The following SFT2D2 variants were observed in gnomAD, a reference collection of about 807,000 sequenced individuals.
The protein encoded by SFT2D2 is SFT2 domain containing 2.
Under a neutral mutation model 27.4 loss-of-function variants are expected in SFT2D2, and 21 were observed. The ratio of observed to expected loss-of-function variants is 0.77; its 90% CI spans 0.54 to 1.10. The LOEUF (loss-of-function observed/expected upper bound fraction) is 1.10, where lower values mean the gene tolerates loss of function less well. Among genes scored for constraint, SFT2D2 ranks in the 50% least tolerant of loss-of-function variants. The pLI, the probability that SFT2D2 is intolerant of heterozygous loss-of-function variation, is 0.00. For synonymous variants in SFT2D2, 72 were observed against 71.7 expected (o/e 1.00, Z -0.02); for missense variants, 187 against 194.2 (o/e 0.96, Z 0.22).
intron 1 of SFT2D2, among the ~76,000 whole-genome samples, chr1:168,226,603 G>T (rs1700461617): frequency 1.3e-5 from 2 of 152,186 alleles, no homozygotes; most frequent in Admixed American, 1.3e-4. Context: ...CGCGCCCCGA[G>T]CTCTGCCTTG....
At chr1:168,226,695 C>T (rs1176619808) in intron 1 of SFT2D2, among the ~76,000 whole-genome samples, 1 of 152,174 alleles carries the variant, frequency 6.6e-6, no homozygotes, top group African/African-American at 2.4e-5. Context: ...GGGTGAGAAA[C>T]TGCCCCCATC....
At chr1:168,226,288 C>T (rs1700457753) in intron 1 of SFT2D2, 146 bp downstream of exon 1, 1 of 660,590 alleles carries the variant, frequency 1.5e-6, no homozygotes, top group Non-Finnish European at 2.4e-6. Flanking sequence ...CAGGGCTCCG[C>T]GAAGAGGTCT....
chr1:168,226,379 G>A (rs867157091), intron 1 of SFT2D2, among the ~76,000 whole-genome samples: 3 of 152,106 alleles, frequency 2.0e-5, no homozygotes, highest in Non-Finnish European at 4.4e-5. Flanking sequence ...AGGGGGCGGC[G>A]CAGGAGGAAA....
At chr1:168,230,133 T>G (rs1284579370) in intron 1 of SFT2D2, among the ~76,000 whole-genome samples, 1 of 152,166 alleles carries the variant, frequency 6.6e-6, no homozygotes, top group Non-Finnish European at 1.5e-5. Flanking sequence ...CATCCTTCTT[T>G]TCAAGCTTCT....
chr1:168,235,064 G>A, intron 3 of SFT2D2, 37 bp from the exon 4 acceptor site: 1 of 1,598,418 alleles, frequency 6.3e-7, no homozygotes, highest in Non-Finnish European at 8.6e-7. Flanking sequence ...GTGCAGTTCT[G>A]TTCTGAACGG....
intron 4 of SFT2D2, among the ~76,000 whole-genome samples, chr1:168,235,876 A>T (rs1211651029): frequency 2.6e-5 from 4 of 152,190 alleles, no homozygotes; most frequent in African/African-American, 4.8e-5. Context: ...CATTTATATA[A>T]TCTCATTTGT....
rs1647802875 is a variant in SFT2D2 at position 168,246,045 on chromosome 1, A to G, written c.*3505A>G. 4.4e-6 allele frequency: 1 copy of G among 229,796 alleles called. No homozygotes were observed. Among genetic ancestry groups the G allele is most frequent in the African/African-American group, 2.4e-5 (1 of 42,038 alleles). 14.2% of individuals were successfully genotyped at this position (229,796 alleles called of 1,614,324 possible). ...GACGCAGTGACGCAATGAAGCATCC[A>G]GCAAAGCTTTTGTTGTTGATTGTTT... On this transcript the variant is annotated 3_prime_UTR_variant, in exon 8 of 8. Coordinates refer to ENST00000271375, the MANE Select transcript of SFT2D2 (RefSeq NM_199344.3).
At chr1:168,230,203 A>G (rs1172729147) in intron 1 of SFT2D2, among the ~76,000 whole-genome samples, 1 of 152,164 alleles carries the variant, frequency 6.6e-6, no homozygotes, top group Admixed American at 6.5e-5. Flanking sequence ...GGGGTAGTCA[A>G]GGCTGACGGA....
At chr1:168,235,771 T>C (rs1647476080) in intron 4 of SFT2D2, among the ~76,000 whole-genome samples, 2 of 152,254 alleles carry the variant, frequency 1.3e-5, no homozygotes, top group South Asian at 4.1e-4. Context: ...TTTTCTTCCC[T>C]GTGGTTGTCA....
rs1469811272 is a variant in SFT2D2, at chr1:168,245,418, A to G, written c.*2878A>G. 6.6e-6 allele frequency: 1 copy of G among 152,200 alleles called. No homozygotes were observed. The highest frequency in any genetic ancestry group is 6.5e-5 in the Admixed American group (1 of 15,274). The allele number at this position is 152,200 out of a possible 1,614,324, so 9.4% of individuals were successfully genotyped here. A position where few individuals can be genotyped will look rare whatever the true frequency, so the allele number is the denominator to read the frequency against. On this transcript the variant is annotated 3_prime_UTR_variant, in exon 8 of 8. Coordinates refer to ENST00000271375, the MANE Select transcript of SFT2D2 (RefSeq NM_199344.3). ...GACAAACTATGTGGATTATCTGTAC[A>G]CTGATAACTAAAAAGCATTGCTAAG...
intron 1 of SFT2D2, among the ~76,000 whole-genome samples, chr1:168,227,408 GC>G (rs1470943380): frequency 6.6e-6 from 1 of 152,166 alleles, no homozygotes; most frequent in Non-Finnish European, 1.5e-5. Flanking sequence ...GTTTGTGGTT[GC>G]TGATTTTATT....
intron 1 of SFT2D2, among the ~76,000 whole-genome samples, chr1:168,230,597 C>T (rs1398369859): frequency 6.6e-6 from 1 of 152,194 alleles, no homozygotes; most frequent in Admixed American, 6.5e-5. Flanking sequence ...CCTCAGCCTT[C>T]CAAGTAGCAG....
chr1:168,243,744 A>C lies in SFT2D2; in HGVS notation c.*1204A>C, dbSNP rs1018488370. The C allele has an allele frequency of 6.5e-6, 1 of 152,770 alleles. No individual in the cohort carries two copies. The highest frequency in any genetic ancestry group is 2.4e-5 in the African/African-American group (1 of 41,456). The allele number at this position is 152,770 out of a possible 1,614,324, so 9.5% of individuals were successfully genotyped here. The stretch of plus-strand genomic sequence containing the variant: ...CAAAGCCACAGCTTCAGCCTCCTTC[A>C]TGACCCCAGAGTTTCCTGGCCTGTT... On this transcript the variant is annotated 3_prime_UTR_variant, in exon 8 of 8. Coordinates refer to ENST00000271375, the MANE Select transcript of SFT2D2 (RefSeq NM_199344.3).
At chr1:168,236,503 G>A (rs1175577773) in intron 4 of SFT2D2, 86 bp from the exon 5 acceptor site, 9 of 1,319,620 alleles carry the variant, frequency 6.8e-6, no homozygotes, top group African/African-American at 2.9e-5. Flanking sequence ...CATAAGTTTT[G>A]TGCATTTGTG....
Position 168,247,098 on chromosome 1 carries a change from T to C in SFT2D2, c.*4558T>C. 1 of 362,872 alleles carries C rather than the reference T, an allele frequency of 2.8e-6. No homozygotes were observed. The highest frequency in any genetic ancestry group is 5.5e-6 in the Non-Finnish European group (1 of 181,940). 22.5% of individuals were successfully genotyped at this position (362,872 alleles called of 1,614,324 possible). On this transcript the variant is annotated 3_prime_UTR_variant, in exon 8 of 8. Coordinates refer to ENST00000271375, the MANE Select transcript of SFT2D2 (RefSeq NM_199344.3). ...CTTTTTTTTCAGATAGTCTCTTTTG[T>C]AGTACACTAGTCTTTTTCATTTTTT...
chr1:168,231,654 T>G, intron 2 of SFT2D2, 54 bp downstream of exon 2: 3 of 1,562,054 alleles, frequency 1.9e-6, no homozygotes, highest in Non-Finnish European at 1.8e-6. Flanking sequence ...TTGCTATATA[T>G]TCCCCCTTTT....
chr1:168,239,830 C>CTTTTTT (rs71557622), intron 7 of SFT2D2, among the ~76,000 whole-genome samples: 1 of 139,550 alleles, frequency 7.2e-6, no homozygotes. Context: ...AACTTCTGTT[C>CTTTTTT]TTTTTTTTTT....
intron 1 of SFT2D2, 128 bp downstream of exon 1, chr1:168,226,270 T>C (rs1320747717): frequency 2.5e-5 from 19 of 749,798 alleles, no homozygotes; most frequent in Middle Eastern, 4.2e-4. Flanking sequence ...TCTCCTCCTC[T>C]TCTTCTGCAG....
At chr1:168,226,328 C>A (rs563449827) in intron 1 of SFT2D2, among the ~76,000 whole-genome samples, 186 bp downstream of exon 1, 3 of 151,894 alleles carry the variant, frequency 2.0e-5, no homozygotes, top group Non-Finnish European at 4.4e-5. Flanking sequence ...GCCGCGGCGT[C>A]CTTTTCTGCC....
Sources: gnomAD v4.1 joint callset for allele counts (sites outside exome capture counted in the v4.1 genomes callset) on GRCh38, gnomAD v4.1.1 for gene constraint, MANE v1.5 for transcripts, NCBI Gene and HGNC (gene_info 2026-07-23, HGNC 2026-07-21) for gene names.